Variants in CLDN16 observed in about 807,000 individuals in gnomAD.
CLDN16 encodes the protein claudin-16.
CLDN16 carries 13 observed loss-of-function variants against 24.6 expected under a neutral mutation model. The ratio of observed to expected loss-of-function variants is 0.53; its 90% CI spans 0.34 to 0.84. The LOEUF is 0.84. Among genes scored for constraint, CLDN16 ranks in the 40% least tolerant of loss-of-function variants. The pLI is 0.01. For synonymous variants in CLDN16, 116 were observed against 106.7 expected (o/e 1.09, Z -0.54); for missense variants, 298 against 292.7 (o/e 1.02, Z -0.13).
chr3:190,380,238 C>T (rs931888628), intron 3 of CLDN16, among the ~76,000 whole-genome samples: 581 of 12,358 alleles, frequency 0.047, 26 homozygotes, highest in East Asian at 0.06. Flanking sequence ...TCTTCCTTCC[C>T]TCCCTTCCTT....
At chr3:190,290,780 G>C in the CLDN16 span, among the ~76,000 whole-genome samples, 1 of 152,178 alleles carries the variant, frequency 6.6e-6, no homozygotes, top group African/African-American at 2.4e-5. Context: ...AGTAGTGAAA[G>C]AAATGAAGAG....
At chr3:190,311,961 C>CT in the CLDN16 span, among the ~76,000 whole-genome samples, 146,971 of 148,276 alleles carry the variant, frequency 0.99, 72,840 homozygotes, top group Middle Eastern at 1. Flanking sequence ...TTTCTTTTTT[C>CT]TTTTTTTTTT....
At chr3:190,308,595 A>G in the CLDN16 span, among the ~76,000 whole-genome samples, 1 of 152,168 alleles carries the variant, frequency 6.6e-6, no homozygotes, top group Non-Finnish European at 1.5e-5. Context: ...CTGAACATAC[A>G]CGCCAAAGAA....
chr3:190,301,098 T>C, the CLDN16 span, among the ~76,000 whole-genome samples: 2 of 152,228 alleles, frequency 1.3e-5, no homozygotes, highest in Non-Finnish European at 2.9e-5. Context: ...GTTTCATTAC[T>C]CTCTTTTCTT....
chr3:190,359,304 T>C (rs894125872), intron 1 of CLDN16, among the ~76,000 whole-genome samples: 6 of 152,056 alleles, frequency 3.9e-5, no homozygotes, highest in African/African-American at 1.4e-4. Context: ...ATTACACACC[T>C]TGCATGAAGG....
chr3:190,363,670 CAGCTGT>C (rs1484499861), intron 1 of CLDN16, among the ~76,000 whole-genome samples: 2 of 146,584 alleles, frequency 1.4e-5, no homozygotes, highest in Non-Finnish European at 3.0e-5. Context: ...AGTTGAGCTG[CAGCTGT>C]AGCTGTAGAT....
chr3:190,356,271 A>AT lies in CLDN16; in HGVS notation n.122-14614dup, dbSNP rs369001708. ...AAAACAAGCTTGAATATGTCTCTACATTTTTTTTCAGACCATCCCAATTAA... is the reference window on the plus strand; with the variant it reads ...AAAACAAGCTTGAATATGTCTCTACATTTTTTTTTCAGACCATCCCAATTAA... On this transcript the variant is annotated intron_variant and non_coding_transcript_variant, in intron 1 of 4. Transcript: ENST00000468220. Among the ~76,000 whole-genome samples, 1,239 of 151,584 alleles carry AT rather than the reference A, an allele frequency of 8.2e-3. 10 individuals are homozygous for AT. Among genetic ancestry groups the AT allele is most frequent in the African/African-American group, 0.029 (1,194 of 41,416 alleles).
the CLDN16 span, among the ~76,000 whole-genome samples, chr3:190,304,558 ACT>A: frequency 6.6e-6 from 1 of 151,926 alleles, no homozygotes; most frequent in African/African-American, 2.4e-5. Flanking sequence ...GCATTGAGAA[ACT>A]CTCTGATTGC....
chr3:190,388,504 A>G (rs1718568212), intron 1 of CLDN16, 61 bp downstream of exon 1: 2 of 1,346,584 alleles, frequency 1.5e-6, no homozygotes, highest in South Asian at 1.2e-5. Flanking sequence ...CTAAGTCCCA[A>G]CTGCCATGTA....
At chr3:190,364,665 A>G (rs1717979695) in intron 1 of CLDN16, among the ~76,000 whole-genome samples, 1 of 151,898 alleles carries the variant, frequency 6.6e-6, no homozygotes, top group African/African-American at 2.4e-5. Flanking sequence ...TGACTGGCTC[A>G]AGTGGTAAGG....
At chr3:190,388,492 C>T (rs73192454) in intron 1 of CLDN16, 49 bp downstream of exon 1, 282 of 1,525,710 alleles carry the variant, frequency 1.8e-4, no homozygotes, top group Non-Finnish European at 2.0e-4. Flanking sequence ...CCCAAATTTT[C>T]GCTAAGTCCC....
chr3:190,317,576 T>C (rs1252336644), upstream of CLDN16, among the ~76,000 whole-genome samples: 2 of 152,228 alleles, frequency 1.3e-5, no homozygotes, highest in South Asian at 4.1e-4. Flanking sequence ...GAATCTACTA[T>C]CAATACCAGA....
chr3:190,398,371 C>T (rs1358885210), intron 1 of CLDN16, among the ~76,000 whole-genome samples: 9 of 152,228 alleles, frequency 5.9e-5, no homozygotes, highest in Non-Finnish European at 2.9e-5. Context: ...CCTCTTCCAG[C>T]TTCTGGTGGC....
At chr3:190,369,519 C>A (rs1252500461) in intron 1 of CLDN16, among the ~76,000 whole-genome samples, 1 of 151,864 alleles carries the variant, frequency 6.6e-6, no homozygotes, top group Admixed American at 6.6e-5. Context: ...GCAAACCACT[C>A]CACCAATGAA....
At position 190,359,319 on chromosome 3, in the gene CLDN16, C is replaced by T. The variant is rs141946935; in HGVS notation, n.122-11574C>T. ...ATTACACACCTTGCATGAAGGACTT[C>T]CAAATTTGACTCTCTTAATGCCTAT... On this transcript the variant is annotated intron_variant and non_coding_transcript_variant, in intron 1 of 4. Coordinates refer to the CLDN16 transcript ENST00000468220. 1.6e-3 allele frequency among the ~76,000 whole-genome samples: 249 copies of T among 152,132 alleles called. 2 individuals are homozygous for T. The highest frequency in any genetic ancestry group is 4.8e-3 in the African/African-American group (201 of 41,546).
At chr3:190,371,803 C>T (rs1281384298) in intron 2 of CLDN16, among the ~76,000 whole-genome samples, 2 of 151,960 alleles carry the variant, frequency 1.3e-5, no homozygotes, top group Admixed American at 6.6e-5. Context: ...AGTTCCAAGT[C>T]AGATGCTCAG....
chr3:190,393,885 G>A (rs973003425), intron 1 of CLDN16, among the ~76,000 whole-genome samples: 1 of 151,614 alleles, frequency 6.6e-6, no homozygotes, highest in Non-Finnish European at 1.5e-5. Context: ...TGAGTAGCCG[G>A]GACTACAGGC....
the CLDN16 span, among the ~76,000 whole-genome samples, chr3:190,316,208 A>T: frequency 9.2e-5 from 14 of 152,348 alleles, no homozygotes; most frequent in African/African-American, 3.4e-4. Context: ...TGCATAAACC[A>T]TAGAAATGAG....
At chr3:190,397,303 T>C (rs1180002706) in intron 1 of CLDN16, among the ~76,000 whole-genome samples, 2 of 151,430 alleles carry the variant, frequency 1.3e-5, no homozygotes, top group Non-Finnish European at 2.9e-5. Flanking sequence ...GTTTTAACGT[T>C]ATTTATCAAT....
Sources: gnomAD v4.1 joint callset for allele counts (sites outside exome capture counted in the v4.1 genomes callset) on GRCh38, gnomAD v4.1.1 for gene constraint, MANE v1.5 for transcripts, NCBI Gene and HGNC (gene_info 2026-07-23, HGNC 2026-07-21) for gene names.